Variants in SLC71A1 observed in about 807,000 individuals in gnomAD.
The protein encoded by SLC71A1 is solute carrier family 71 member 1.
the SLC71A1 span, among the ~76,000 whole-genome samples, chr1:100,070,104 A>G: frequency 6.6e-6 from 1 of 152,220 alleles, no homozygotes; most frequent in Admixed American, 6.5e-5. Flanking sequence ...TAAAAACACC[A>G]ATGTAAACAT....
chr1:100,047,895 G>A, the SLC71A1 span, among the ~76,000 whole-genome samples: 2 of 152,050 alleles, frequency 1.3e-5, no homozygotes, highest in African/African-American at 2.4e-5. Context: ...CTCCTAAAGT[G>A]CAAGCATGCT....
the SLC71A1 span, chr1:100,038,358 C>T: frequency 6.7e-7 from 1 of 1,495,854 alleles, no homozygotes; most frequent in South Asian, 1.2e-5. Flanking sequence ...TCGGGGCCCC[C>T]ATCCGGTCTC....
the SLC71A1 span, among the ~76,000 whole-genome samples, chr1:100,055,065 G>A: frequency 2.0e-5 from 3 of 152,190 alleles, no homozygotes; most frequent in African/African-American, 7.2e-5. Context: ...TGATTGGAAT[G>A]GAATACAGCT....
chr1:100,077,613 A>G, the SLC71A1 span, among the ~76,000 whole-genome samples: 1 of 152,224 alleles, frequency 6.6e-6, no homozygotes, highest in East Asian at 1.9e-4. Flanking sequence ...AAAGTTATTT[A>G]CATTTTTTGT....
chr1:100,074,948 C>T, the SLC71A1 span, among the ~76,000 whole-genome samples: 2 of 152,168 alleles, frequency 1.3e-5, no homozygotes, highest in African/African-American at 4.8e-5. Flanking sequence ...GGAAATGAGG[C>T]TAATAATGCA....
chr1:100,070,320 G>A, the SLC71A1 span, among the ~76,000 whole-genome samples: 1 of 152,206 alleles, frequency 6.6e-6, no homozygotes, highest in Admixed American at 6.5e-5. Flanking sequence ...AAAATTCTCA[G>A]GAGAGACTGT....
the SLC71A1 span, chr1:100,067,854 G>T: frequency 1.3e-6 from 1 of 760,170 alleles, no homozygotes. Context: ...GGCACAGGTA[G>T]GAAGAGAAAA....
At chr1:100,049,944 A>C in the SLC71A1 span, 6 of 1,610,278 alleles carry the variant, frequency 3.7e-6, no homozygotes, top group Non-Finnish European at 5.1e-6. Context: ...TCTATCATGC[A>C]GTTATCGTCA....
chr1:100,061,815 T>C, the SLC71A1 span: 1 of 1,444,330 alleles, frequency 6.9e-7, no homozygotes, highest in Non-Finnish European at 9.7e-7. Context: ...TAACCATTTC[T>C]TGTTATCTTT....
the SLC71A1 span, among the ~76,000 whole-genome samples, chr1:100,064,227 C>T: frequency 2.6e-5 from 4 of 152,018 alleles, no homozygotes; most frequent in East Asian, 1.9e-4. Context: ...CTGCAACCTC[C>T]GCCTCCTGGG....
chr1:100,083,195 G>A, the SLC71A1 span: 1 of 152,404 alleles, frequency 6.6e-6, no homozygotes, highest in African/African-American at 2.4e-5. Context: ...ATTTAAAAAA[G>A]TGTTACTTTG....
chr1:100,050,573 T>A, the SLC71A1 span, among the ~76,000 whole-genome samples: 14 of 152,280 alleles, frequency 9.2e-5, no homozygotes, highest in African/African-American at 3.1e-4. Context: ...CTATGGTAAA[T>A]ATCTATACCA....
chr1:100,038,771 C>T, the SLC71A1 span, among the ~76,000 whole-genome samples: 2 of 152,242 alleles, frequency 1.3e-5, no homozygotes, highest in East Asian at 1.9e-4. Context: ...AACGGGGTGG[C>T]GTCTGGCGCG....
chr1:100,077,661 A>G, the SLC71A1 span, among the ~76,000 whole-genome samples: 1 of 152,206 alleles, frequency 6.6e-6, no homozygotes, highest in African/African-American at 2.4e-5. Context: ...ATAACCAGTG[A>G]TCATTACTGA....
chr1:100,077,940 A>G, the SLC71A1 span, among the ~76,000 whole-genome samples: 1 of 152,202 alleles, frequency 6.6e-6, no homozygotes, highest in Non-Finnish European at 1.5e-5. Flanking sequence ...TCTCCAAACT[A>G]GCCTTTGCAA....
At chr1:100,082,442 ACTAAG>A in the SLC71A1 span, 1 of 523,038 alleles carries the variant, frequency 1.9e-6, no homozygotes, top group Admixed American at 3.3e-5. Flanking sequence ...ATTTCTTGCC[ACTAAG>A]CTATTTGTTT....
chr1:100,073,982 G>A, the SLC71A1 span, among the ~76,000 whole-genome samples: 2 of 152,126 alleles, frequency 1.3e-5, no homozygotes, highest in Non-Finnish European at 2.9e-5. Flanking sequence ...TTAGAATTAT[G>A]CATGCTTTCC....
the SLC71A1 span, among the ~76,000 whole-genome samples, chr1:100,048,810 G>A: frequency 2.0e-5 from 3 of 152,066 alleles, no homozygotes; most frequent in Admixed American, 1.3e-4. Context: ...TTTAATCAGT[G>A]CTCAAAGACA....
the SLC71A1 span, chr1:100,069,499 A>G: frequency 1.5e-6 from 1 of 651,082 alleles, no homozygotes; most frequent in Non-Finnish European, 2.7e-6. Flanking sequence ...TTATAAATGA[A>G]TTACATTTAT....
Sources: gnomAD v4.1 joint callset for allele counts (sites outside exome capture counted in the v4.1 genomes callset) on GRCh38, gnomAD v4.1.1 for gene constraint, MANE v1.5 for transcripts, NCBI Gene and HGNC (gene_info 2026-07-23, HGNC 2026-07-21) for gene names.